The following MPP7 variants were observed in gnomAD, a reference collection of about 807,000 sequenced individuals.
MPP7 encodes MAGUK p55 scaffold protein 7, also known as MAGUK p55 subfamily member 7.
MPP7 carries 60 observed loss-of-function variants against 76.5 expected under a neutral mutation model. The ratio of observed to expected loss-of-function variants is 0.78; its 90% CI spans 0.64 to 0.97. The LOEUF is 0.97. MPP7 is among the 50% of genes least tolerant of loss of function. The probability of loss-of-function intolerance (pLI) is 0.00; values close to 1 mark genes in which losing one functional copy is unlikely to be tolerated. For missense variants in MPP7, 641 were observed against 694.0 expected, an observed-to-expected ratio of 0.92 and a Z score of 0.86; for synonymous variants, 237 against 244.5, an observed-to-expected ratio of 0.97 and a Z score of 0.29.
At chr10:28,062,185 T>C (rs1326513547) in intron 13 of MPP7, among the ~76,000 whole-genome samples, 1 of 152,186 alleles carries the variant, frequency 6.6e-6, no homozygotes, top group East Asian at 1.9e-4. Flanking sequence ...TTTCAATGTA[T>C]GCAAATGTAA....
chr10:28,227,802 A>C (rs1022286846), intron 2 of MPP7, among the ~76,000 whole-genome samples: 6 of 152,186 alleles, frequency 3.9e-5, no homozygotes, highest in Non-Finnish European at 8.8e-5. Flanking sequence ...TATCTTTATA[A>C]CAGAATGACT....
At chr10:28,233,536 G>C (rs570570195) in intron 2 of MPP7, among the ~76,000 whole-genome samples, 9 of 149,304 alleles carry the variant, frequency 6.0e-5, no homozygotes, top group African/African-American at 2.0e-4. Flanking sequence ...ATGAAACCCC[G>C]TCTCTATTAA....
At chr10:28,321,632 T>G (rs1295011161) in intron 2 of MPP7, among the ~76,000 whole-genome samples, 1 of 152,212 alleles carries the variant, frequency 6.6e-6, no homozygotes, top group Admixed American at 6.5e-5. Context: ...TCACCCAGGC[T>G]GGAGTGCAGT....
intron 3 of MPP7, among the ~76,000 whole-genome samples, chr10:28,184,264 T>G (rs1432518169): frequency 1.3e-5 from 2 of 148,324 alleles, no homozygotes; most frequent in Non-Finnish European, 3.0e-5. Flanking sequence ...ATTAGATATA[T>G]TCCATCATGT....
intron 3 of MPP7, among the ~76,000 whole-genome samples, chr10:28,195,088 T>C (rs1400944916): frequency 1.3e-5 from 2 of 152,146 alleles, no homozygotes; most frequent in South Asian, 2.1e-4. Flanking sequence ...AAGGATCCAA[T>C]TGGACATTTC....
Position 28,197,168 on chromosome 10 carries a change from C to T in MPP7, c.156+4985G>A, listed in dbSNP as rs141987617. ...CCCTCATCCATCCCATAAACTCTAA[C>T]CTGAGCAACTTCCTTTTTTTTTTTT... On this transcript the variant is annotated intron_variant, in intron 3 of 16. Coordinates refer to ENST00000683449, the MANE Select transcript of MPP7 (RefSeq NM_001318170.2). Among the ~76,000 whole-genome samples the T allele has an allele frequency of 1.5e-3, 225 of 148,702 alleles. 1 individual carries two copies. The highest frequency in any genetic ancestry group is 2.6e-3 in the Non-Finnish European group (173 of 67,718).
chr10:28,334,148 C>A (rs1030259234), intron 1 of MPP7, among the ~76,000 whole-genome samples: 1 of 151,844 alleles, frequency 6.6e-6, no homozygotes, highest in African/African-American at 2.4e-5. Context: ...TTACAGTGAG[C>A]CAAGATCATG....
rs1305905436 is a variant in MPP7 at position 28,293,715 on chromosome 10, C to A, written c.-132+9146G>T. 3.9e-5 allele frequency among the ~76,000 whole-genome samples: 6 copies of A among 152,186 alleles called. No homozygotes were observed. The East Asian group carries it at 1.2e-3, about 29-fold the overall frequency. Reference sequence around the variant, plus strand: ...CCGCGTCACAGGTCCCTTCACCCAACCAGCAGGTATTCAGTCTCTACATAC... The same window carrying A: ...CCGCGTCACAGGTCCCTTCACCCAAACAGCAGGTATTCAGTCTCTACATAC... On this transcript the variant is annotated intron_variant, in intron 1 of 16. Coordinates refer to ENST00000683449, the MANE Select transcript of MPP7 (RefSeq NM_001318170.2).
chr10:28,112,447 A>G (rs1834534364), intron 11 of MPP7, among the ~76,000 whole-genome samples: 1 of 152,266 alleles, frequency 6.6e-6, no homozygotes. Context: ...CCACAAAAAA[A>G]TCTGTAATTT....
intron 3 of MPP7, among the ~76,000 whole-genome samples, chr10:28,200,010 A>G (rs1837717667): frequency 6.6e-6 from 1 of 152,198 alleles, no homozygotes; most frequent in South Asian, 2.1e-4. Flanking sequence ...CAGGCAGAAG[A>G]GCATAAAACC....
intron 1 of MPP7, among the ~76,000 whole-genome samples, chr10:28,292,240 C>T (rs1244053050): frequency 1.3e-5 from 2 of 152,060 alleles, no homozygotes; most frequent in Non-Finnish European, 2.9e-5. Context: ...GTGCAGTCTG[C>T]GATGTTCACA....
At chr10:28,070,577 G>A (rs1010219817) in intron 12 of MPP7, among the ~76,000 whole-genome samples, 1 of 152,100 alleles carries the variant, frequency 6.6e-6, no homozygotes, top group Non-Finnish European at 1.5e-5. Flanking sequence ...ATTCAGTTAC[G>A]CATTTTACAT....
chr10:28,134,265 T>C (rs1835287215), intron 5 of MPP7, among the ~76,000 whole-genome samples: 2 of 152,202 alleles, frequency 1.3e-5, no homozygotes, highest in Non-Finnish European at 1.5e-5. Context: ...TTTCTTAAAA[T>C]GAATGAGAAC....
In MPP7 at chr10:28,135,762, A is replaced by T. The variant is rs1835335124; in HGVS notation, c.316-4071T>A. On this transcript the variant is annotated intron_variant, in intron 5 of 16. Transcript: ENST00000683449. Reference sequence around the variant, plus strand: ...AAGATTTAATGCTATGATCTCACCTAAAAAAAAGCTAAAAATAAGCCTCTG... The same window carrying T: ...AAGATTTAATGCTATGATCTCACCTTAAAAAAAGCTAAAAATAAGCCTCTG... Among the ~76,000 whole-genome samples the T allele has an allele frequency of 2.4e-5, 3 of 123,322 alleles. No individual in the cohort carries two copies. In the South Asian group the frequency reaches 1.2e-3, roughly 47 times the overall value. The allele number at this position is 123,322 out of a possible 152,430, so 80.9% of individuals were successfully genotyped here.
rs373507998 is a variant in MPP7, at chr10:28,131,645, G to C, written c.362C>G (p.Pro121Arg). ...ATCTTCAGGCATAGGAGGCAACACT[G>C]GGTCGTAATTCTTCTGAGCCACAGT... is the stretch of plus-strand genomic sequence containing the variant. Reference protein sequence around the residue: ...HDTVAQKNYDPVLPPMPEDID... With the variant: ...HDTVAQKNYDRVLPPMPEDID... The change falls in exon 6 of 17, where the codon CCA becomes CGA. Residue 121 changes from proline (P) to arginine (R), a missense_variant. Pro to Arg is a moderately radical substitution (Grantham distance 103). Transcript: ENST00000683449. 9.8e-5 allele frequency: 158 copies of C among 1,604,598 alleles called. No individual in the cohort carries two copies. The highest frequency in any genetic ancestry group is 3.5e-4 in the Middle Eastern group (2 of 5,772).
chr10:28,237,140 T>C (rs1016564086), intron 2 of MPP7, among the ~76,000 whole-genome samples: 4 of 152,242 alleles, frequency 2.6e-5, no homozygotes, highest in Non-Finnish European at 5.9e-5. Flanking sequence ...TCAAGTTATA[T>C]GTAAGCAACG....
At chr10:28,212,201 G>A (rs553580147) in intron 2 of MPP7, among the ~76,000 whole-genome samples, 15 of 152,294 alleles carry the variant, frequency 9.8e-5, no homozygotes, top group Non-Finnish European at 2.1e-4. Flanking sequence ...GGCCGAGGCA[G>A]ACAACTATAT....
At chr10:28,279,933 AGG>A (rs1317677328) in intron 1 of MPP7, among the ~76,000 whole-genome samples, 1 of 152,060 alleles carries the variant, frequency 6.6e-6, no homozygotes, top group Non-Finnish European at 1.5e-5. Context: ...TCATGAGCCA[AGG>A]TAAGAACTTG....
intron 12 of MPP7, among the ~76,000 whole-genome samples, chr10:28,071,249 A>G (rs187903859): frequency 1.0e-3 from 155 of 152,292 alleles, no homozygotes; most frequent in African/African-American, 3.5e-3. Flanking sequence ...ATAAGGTTTT[A>G]CACCATACAA....
Sources: gnomAD v4.1 joint callset for allele counts (sites outside exome capture counted in the v4.1 genomes callset) on GRCh38, gnomAD v4.1.1 for gene constraint, MANE v1.5 for transcripts, NCBI Gene and HGNC (gene_info 2026-07-23, HGNC 2026-07-21) for gene names.